The following CALCR variants were observed in gnomAD, a reference collection of about 807,000 sequenced individuals.
The protein encoded by CALCR is calcitonin receptor.
Under a neutral mutation model 59.5 loss-of-function variants are expected in CALCR, and 47 were observed. That is an observed-to-expected ratio of 0.79 (90% CI 0.63 to 1.01). The LOEUF is 1.01. CALCR is among the 50% of genes least tolerant of loss of function. CALCR has a pLI of 0.00. For synonymous variants in CALCR, 213 were observed against 211.3 expected (o/e 1.01, Z -0.07); for missense variants, 566 against 597.1 (o/e 0.95, Z 0.54).
chr7:93,522,404 T>A (rs969835694), intron 2 of CALCR, among the ~76,000 whole-genome samples: 5 of 152,206 alleles, frequency 3.3e-5, no homozygotes, highest in African/African-American at 9.6e-5. Context: ...ACTTCGTTTT[T>A]GGCCCTCTAG....
rs528346996 is a variant in CALCR, at chr7:93,480,322, A to G, written c.52-815T>C. Among the ~76,000 whole-genome samples the G allele has an allele frequency of 3.9e-5, 6 of 151,974 alleles. No homozygotes were observed. In the East Asian group the frequency reaches 7.8e-4, roughly 20 times the overall value. ...TCAATTTCTTTTGTGGCTATGACCA[A>G]TGTTTTTAGTGGTGTTGGAATCTGC... On this transcript the variant is annotated intron_variant, in intron 3 of 13. Transcript: ENST00000426151.
intron 2 of CALCR, among the ~76,000 whole-genome samples, chr7:93,544,564 AT>A (rs1789234802): frequency 6.6e-6 from 1 of 151,972 alleles, no homozygotes; most frequent in Admixed American, 6.6e-5. Context: ...TTCTTTGTAA[AT>A]TTTGTTTATG....
rs566735546 is a variant in CALCR, at chr7:93,564,772, G to C, written c.-27+9517C>G. Among the ~76,000 whole-genome samples, 4 of 149,994 alleles carry C rather than the reference G, an allele frequency of 2.7e-5. No homozygotes were observed. The East Asian group carries it at 7.8e-4, about 29-fold the overall frequency. On this transcript the variant is annotated intron_variant, in intron 2 of 13. Transcript: ENST00000426151. Reference sequence around the variant, plus strand: ...CCCAGCCAATTTTTTTTTTTTTCCTGAAGGTAGCCCGTGTTTACTTCACTG... The same window carrying C: ...CCCAGCCAATTTTTTTTTTTTTCCTCAAGGTAGCCCGTGTTTACTTCACTG...
Position 93,466,607 on chromosome 7 carries a change from G to A in CALCR, c.521+2108C>T, listed in dbSNP as rs181630970. Among the ~76,000 whole-genome samples, 313 of 151,834 alleles carry A rather than the reference G, an allele frequency of 2.1e-3. 1 individual carries two copies. Among genetic ancestry groups the A allele is most frequent in the Non-Finnish European group, 3.3e-3 (226 of 67,836 alleles). On this transcript the variant is annotated intron_variant, in intron 7 of 13. Coordinates refer to ENST00000426151, the MANE Select transcript of CALCR (RefSeq NM_001742.4). ...CTGCTCTGAAGAACCAGCTATTTCA[G>A]TTCATTTCTTCTCATTATTAGGCTC...
Position 93,438,214 on chromosome 7 carries a change from C to T in CALCR, c.859G>A (p.Asp287Asn), listed in dbSNP as rs1799823714. 1 of 1,613,088 alleles carries T rather than the reference C, an allele frequency of 6.2e-7. No individual in the cohort carries two copies. The highest frequency in any genetic ancestry group is 8.5e-7 in the Non-Finnish European group (1 of 1,179,104). Residue 287 changes from aspartate (D) to asparagine (N), a missense_variant, in exon 10 of 14, where the codon GAC (aspartate) becomes AAC (asparagine). Transcript: ENST00000426151. The stretch of plus-strand genomic sequence containing the variant: ...AAACATCACCATAATACTTACTTGT[C>T]ATTGAAGTACACGGCCCTGGTAATA... ...HAITRAVYFN[D>N]NCWLSVETHL...
chr7:93,555,805 A>T (rs969475119), intron 2 of CALCR, among the ~76,000 whole-genome samples: 1 of 152,192 alleles, frequency 6.6e-6, no homozygotes, highest in Admixed American at 6.6e-5. Context: ...CAAGAACTTG[A>T]TAGGAAGGAA....
intron 2 of CALCR, among the ~76,000 whole-genome samples, chr7:93,491,177 A>G (rs748660883): frequency 6.6e-6 from 1 of 152,126 alleles, no homozygotes; most frequent in Non-Finnish European, 1.5e-5. Context: ...TATTCAATAA[A>G]TGGTGCTGGG....
chr7:93,520,416 T>C (rs1204060095), intron 2 of CALCR, among the ~76,000 whole-genome samples: 4 of 152,140 alleles, frequency 2.6e-5, no homozygotes, highest in Non-Finnish European at 5.9e-5. Flanking sequence ...TATACCACGA[T>C]TTAATCATTA....
At chr7:93,519,241 T>C (rs540552041) in intron 2 of CALCR, among the ~76,000 whole-genome samples, 1 of 152,188 alleles carries the variant, frequency 6.6e-6, no homozygotes, top group Non-Finnish European at 1.5e-5. Flanking sequence ...TAGAATTCCT[T>C]ATATTGCTGT....
intron 2 of CALCR, among the ~76,000 whole-genome samples, chr7:93,548,759 A>G: frequency 6.6e-6 from 1 of 151,792 alleles, no homozygotes; most frequent in East Asian, 1.9e-4. Context: ...CTACTTAGGA[A>G]TTATTAGAAT....
At chr7:93,531,971 A>G (rs1788853798) in intron 2 of CALCR, among the ~76,000 whole-genome samples, 1 of 151,100 alleles carries the variant, frequency 6.6e-6, no homozygotes, top group Admixed American at 6.6e-5. Context: ...TGTGATTAAC[A>G]TATACTCAAA....
intron 8 of CALCR, among the ~76,000 whole-genome samples, chr7:93,456,036 GA>G: frequency 6.6e-6 from 1 of 152,198 alleles, no homozygotes; most frequent in African/African-American, 2.4e-5. Flanking sequence ...GATTAGATAA[GA>G]GATCTAACAA....
At chr7:93,484,029 T>C (rs1165581120) in intron 3 of CALCR, 1 of 515,892 alleles carries the variant, frequency 1.9e-6, no homozygotes, top group African/African-American at 1.9e-5. Context: ...CCAACAGCAG[T>C]AGTCAGCAGC....
At chr7:93,495,820 A>G in intron 2 of CALCR, 1 of 1,193,288 alleles carries the variant, frequency 8.4e-7, no homozygotes, top group Non-Finnish European at 1.2e-6. Flanking sequence ...TAGAACATGC[A>G]AATGAAGAAA....
intron 5 of CALCR, among the ~76,000 whole-genome samples, chr7:93,476,007 C>T (rs1321128551): frequency 1.3e-5 from 2 of 151,868 alleles, no homozygotes; most frequent in Admixed American, 6.6e-5. Context: ...TTGCAGATTC[C>T]GAGGTCCTGT....
At chr7:93,517,004 C>T (rs1801664130) in intron 2 of CALCR, among the ~76,000 whole-genome samples, 1 of 151,794 alleles carries the variant, frequency 6.6e-6, no homozygotes, top group Admixed American at 6.6e-5. Flanking sequence ...GCTTTTTGCA[C>T]ATTAGAACCA....
intron 8 of CALCR, among the ~76,000 whole-genome samples, chr7:93,448,844 G>A (rs1290453245): frequency 6.6e-6 from 1 of 151,912 alleles, no homozygotes; most frequent in African/African-American, 2.4e-5. Context: ...CTACTTTACA[G>A]TAAAAGAGGT....
chr7:93,477,961 C>CAAAAAAAAAAAAA (rs71107894), intron 4 of CALCR, among the ~76,000 whole-genome samples: 15 of 54,398 alleles, frequency 2.8e-4, no homozygotes, highest in African/African-American at 1.1e-3. Context: ...GACCCTCTCT[C>CAAAAAAAAAAAAA]AAAAAAAAAA....
At chr7:93,449,436 TA>T (rs1303698888) in intron 8 of CALCR, among the ~76,000 whole-genome samples, 3 of 152,050 alleles carry the variant, frequency 2.0e-5, no homozygotes, top group African/African-American at 7.2e-5. Flanking sequence ...CTAGACTACA[TA>T]TTGAGTGAAT....
Sources: gnomAD v4.1 joint callset for allele counts (sites outside exome capture counted in the v4.1 genomes callset) on GRCh38, gnomAD v4.1.1 for gene constraint, MANE v1.5 for transcripts, NCBI Gene and HGNC (gene_info 2026-07-23, HGNC 2026-07-21) for gene names.